SERPINA9: variants seen among roughly 807,000 people sequenced by gnomAD.
The protein encoded by SERPINA9 is serpin A9.
In SERPINA9, 32 loss-of-function variants were observed where a neutral mutation model predicts 24.5. The observed-to-expected ratio is 1.30, with a 90% CI of 0.98 to 1.75. The LOEUF (loss-of-function observed/expected upper bound fraction) is 1.75, where lower values mean the gene tolerates loss of function less well. SERPINA9 is among the 40% of genes most tolerant of loss of function. SERPINA9 has a pLI of 0.00. For missense variants in SERPINA9, 594 were observed against 497.1 expected, an observed-to-expected ratio of 1.19 and a Z score of -1.85; for synonymous variants, 233 against 197.7, an observed-to-expected ratio of 1.18 and a Z score of -1.50.
At chr14:94,470,114 T>C in intron 1 of SERPINA9, 1 of 999,492 alleles carries the variant, frequency 1.0e-6, no homozygotes, top group Non-Finnish European at 1.3e-6. Flanking sequence ...GACTTGTCTG[T>C]GTTCTGTGTG....
At chr14:94,475,519 A>C (rs1899563804) in intron 1 of SERPINA9, among the ~76,000 whole-genome samples, 1 of 152,080 alleles carries the variant, frequency 6.6e-6, no homozygotes, top group East Asian at 1.9e-4. Flanking sequence ...ATGAAAAGGA[A>C]TTGTCTCAAC....
At chr14:94,475,093 G>C (rs1053224498) in intron 1 of SERPINA9, among the ~76,000 whole-genome samples, 1 of 152,124 alleles carries the variant, frequency 6.6e-6, no homozygotes, top group Middle Eastern at 3.4e-3. Context: ...GGTGTCAAGG[G>C]CTTCATTTTA....
At chr14:94,466,751 C>T (rs1899022574) in intron 3 of SERPINA9, among the ~76,000 whole-genome samples, 1 of 152,186 alleles carries the variant, frequency 6.6e-6, no homozygotes, top group Admixed American at 6.5e-5. Context: ...TTATATGTGA[C>T]CACCAATGCT....
intron 1 of SERPINA9, among the ~76,000 whole-genome samples, chr14:94,474,214 G>T (rs915083778): frequency 2.6e-5 from 4 of 152,324 alleles, no homozygotes; most frequent in African/African-American, 9.6e-5. Context: ...GGGGCAGGTG[G>T]CTCTCAGGGG....
At position 94,464,501 on chromosome 14, in the gene SERPINA9, G is replaced by A. The variant is rs989920738; in HGVS notation, c.1050+206C>T. The A allele has an allele frequency of 1.5e-4, 84 of 562,926 alleles. 1 individual carries two copies. Among genetic ancestry groups the A allele is most frequent in the African/African-American group, 1.2e-3 (63 of 52,080 alleles). 34.9% of individuals were successfully genotyped at this position (562,926 alleles called of 1,614,324 possible). A position where few individuals can be genotyped will look rare whatever the true frequency, so the allele number is the denominator to read the frequency against. On this transcript the variant is annotated intron_variant, in intron 4 of 4. Transcript: ENST00000674397. ...GCACCTGACTGCTGAGGATGGCTTC[G>A]GAACATTTGTGTGAAGAGGGATAAC... is the stretch of plus-strand genomic sequence containing the variant.
chr14:94,475,991 C>G, intron 1 of SERPINA9, 145 bp downstream of exon 1: 1 of 1,295,360 alleles, frequency 7.7e-7, no homozygotes, highest in Non-Finnish European at 1.1e-6. Flanking sequence ...CCAGATGCTA[C>G]TAAAAGCCAA....
At chr14:94,467,472 G>T in intron 2 of SERPINA9, 90 bp from the exon 3 acceptor site, 2 of 1,239,546 alleles carry the variant, frequency 1.6e-6, no homozygotes, top group Non-Finnish European at 2.2e-6. Flanking sequence ...ACTTCTAGTG[G>T]GTATGAGGTT....
At chr14:94,469,106 C>T (rs1192477848) in intron 2 of SERPINA9, 107 bp downstream of exon 2, 8 of 993,966 alleles carry the variant, frequency 8.0e-6, no homozygotes, top group Non-Finnish European at 1.2e-5. Context: ...CCTCCCATTT[C>T]TCCACCCTGC....
intron 1 of SERPINA9, 171 bp from the exon 2 acceptor site, chr14:94,470,028 T>A (rs1566794266): frequency 1.6e-6 from 1 of 636,244 alleles, no homozygotes; most frequent in Non-Finnish European, 2.4e-6. Flanking sequence ...ATGTAGATCT[T>A]ATTATTGCTG....
intron 1 of SERPINA9, 145 bp downstream of exon 1, chr14:94,475,991 C>A (rs2139832068): frequency 2.3e-6 from 3 of 1,295,360 alleles, no homozygotes; most frequent in Non-Finnish European, 3.2e-6. Flanking sequence ...CCAGATGCTA[C>A]TAAAAGCCAA....
chr14:94,475,275 C>T (rs138755824), intron 1 of SERPINA9, among the ~76,000 whole-genome samples: 2 of 152,266 alleles, frequency 1.3e-5, no homozygotes, highest in African/African-American at 4.8e-5. Context: ...CCTTTATCCA[C>T]CCGGCAACAT....
In SERPINA9 at chr14:94,464,813, GA is replaced by G; in HGVS notation, c.943del (p.Ser315ProfsTer61). ...CGGGAGGATGGTTTCCAGATTGTAG[GA>G]GGCAGAAATGGAAAATCTGGGGATG... ...VFIPRFSISA[S>X]YNLETILPKM... On this transcript the variant is annotated frameshift_variant, in exon 4 of 5. Transcript: ENST00000674397. LOFTEE classifies it high-confidence loss of function. 6.2e-6 allele frequency: 10 copies of G among 1,613,690 alleles called. No individual in the cohort carries two copies. The highest frequency in any genetic ancestry group is 8.5e-6 in the Non-Finnish European group (10 of 1,179,650).
rs775515416 is a variant in SERPINA9, at chr14:94,467,203, A to T, written c.808T>A (p.Phe270Ile). ...QMDYKGDAVA[F>I]FVLPSKGKMR... ...TTGCCCTTGCTAGGGAGGACAAAGA[A>T]GGCCACGGCATCTCCCTTGTAATCC... The change falls in exon 3 of 5, where the codon TTC becomes ATC. Residue 270 changes from phenylalanine to isoleucine, a missense_variant. Phe to Ile is a conservative substitution (Grantham distance 21). Coordinates refer to ENST00000674397, the MANE Select transcript of SERPINA9 (RefSeq NM_175739.4). The T allele has an allele frequency of 3.1e-6, 5 of 1,614,258 alleles. No homozygotes were observed. The highest frequency in any genetic ancestry group is 4.2e-6 in the Non-Finnish European group (5 of 1,180,048).
rs780865754 is a variant in SERPINA9, at chr14:94,467,336, G to A, written c.675C>T (p.Phe225=). Residue 225 remains phenylalanine (F), a synonymous_variant, in exon 3 of 5, where the codon TTC becomes TTT. Coordinates refer to ENST00000674397, the MANE Select transcript of SERPINA9 (RefSeq NM_175739.4). ...TGACCTGCTCGCCCACCAGGAATGGGAAGTTCTTTCTTGTATATTCAGGGT... is the reference window on the plus strand; with the variant it reads ...TGACCTGCTCGCCCACCAGGAATGGAAAGTTCTTTCTTGTATATTCAGGGT... ...PFHPEYTRKN[F]PFLVGEQVTV... 6.2e-7 allele frequency: 1 copy of A among 1,613,906 alleles called. No individual in the cohort carries two copies. The highest frequency in any genetic ancestry group is 8.5e-7 in the Non-Finnish European group (1 of 1,179,820).
At chr14:94,471,927 T>C (rs1160084868) in intron 1 of SERPINA9, among the ~76,000 whole-genome samples, 2 of 152,140 alleles carry the variant, frequency 1.3e-5, no homozygotes, top group African/African-American at 4.8e-5. Flanking sequence ...ATCTCTCCCC[T>C]GGACAATCCT....
Position 94,469,319 on chromosome 14 carries a change from C to G in SERPINA9, c.522G>C (p.Arg174Ser), listed in dbSNP as rs1199629879. The change falls in exon 2 of 5, where the codon AGG (arginine) becomes AGC (serine). Residue 174 changes from arginine to serine, a missense_variant. Transcript: ENST00000674397. ...TCTTCTTTTTCACATGGCTGTTGAT[C>G]CTCGCCTGGGCAATGGAGGGGTTGG... The part of the protein sequence containing the change: ...DFSNPSIAQA[R>S]INSHVKKKTQ... The G allele has an allele frequency of 6.2e-7, 1 of 1,614,214 alleles. No homozygotes were observed. The highest frequency in any genetic ancestry group is 8.5e-7 in the Non-Finnish European group (1 of 1,180,054).
intron 1 of SERPINA9, chr14:94,475,870 C>T (rs1899610215): frequency 5.8e-6 from 3 of 516,376 alleles, no homozygotes; most frequent in South Asian, 3.3e-5. Context: ...AATACTCCTC[C>T]CCTTGTGGCC....
chr14:94,476,165 C>G lies in SERPINA9; in HGVS notation c.-47G>C, dbSNP rs1899641818. 6.2e-7 allele frequency: 1 copy of G among 1,614,172 alleles called. No homozygotes were observed. Among genetic ancestry groups the G allele is most frequent in the Non-Finnish European group, 8.5e-7 (1 of 1,180,040 alleles). On this transcript the variant is annotated 5_prime_UTR_variant, in exon 1 of 5. Transcript: ENST00000674397. ...GCAGGTTCCTCTTCTCCTGCCCTGT[C>G]CTTGCATGGTTGGTGAGCCCTGACA...
At chr14:94,474,179 G>T (rs1899462323) in intron 1 of SERPINA9, among the ~76,000 whole-genome samples, 1 of 152,216 alleles carries the variant, frequency 6.6e-6, no homozygotes, top group Non-Finnish European at 1.5e-5. Flanking sequence ...AGGGGTCTGT[G>T]CCCCTTTCTG....
Sources: gnomAD v4.1 joint callset for allele counts (sites outside exome capture counted in the v4.1 genomes callset) on GRCh38, gnomAD v4.1.1 for gene constraint, MANE v1.5 for transcripts, NCBI Gene and HGNC (gene_info 2026-07-23, HGNC 2026-07-21) for gene names.